The following CAMK1D variants were observed in gnomAD, a reference collection of about 807,000 sequenced individuals.
The protein encoded by CAMK1D is calcium/calmodulin dependent protein kinase ID.
In CAMK1D, 9 loss-of-function variants were observed where a neutral mutation model predicts 47.7. That is an observed-to-expected ratio of 0.19 (90% CI 0.11 to 0.33). The LOEUF (loss-of-function observed/expected upper bound fraction) is 0.33. Among genes scored for constraint, CAMK1D ranks in the 10% least tolerant of loss-of-function variants. The pLI is 1.00. For synonymous variants in CAMK1D, 184 were observed against 184.9 expected, an observed-to-expected ratio of 0.99 and a Z score of 0.04; for missense variants, 291 against 488.7, an observed-to-expected ratio of 0.60 and a Z score of 3.81.
intron 2 of CAMK1D, among the ~76,000 whole-genome samples, chr10:12,657,529 A>G (rs1315657696): frequency 6.6e-6 from 1 of 152,220 alleles, no homozygotes; most frequent in Non-Finnish European, 1.5e-5. Context: ...CAGTGAGAGA[A>G]TGAAGCGCTA....
At chr10:12,715,608 G>A (rs1834097226) in intron 3 of CAMK1D, among the ~76,000 whole-genome samples, 1 of 151,250 alleles carries the variant, frequency 6.6e-6, no homozygotes, top group South Asian at 2.1e-4. Context: ...TATGTTATGT[G>A]ATATAACATA....
chr10:12,726,115 G>A (rs1362458814), intron 3 of CAMK1D, among the ~76,000 whole-genome samples: 1 of 151,770 alleles, frequency 6.6e-6, no homozygotes, highest in Non-Finnish European at 1.5e-5. Flanking sequence ...TAGAATTGAT[G>A]ACTTGGTAAT....
chr10:12,405,728 A>G (rs2131928333), intron 1 of CAMK1D, among the ~76,000 whole-genome samples: 1 of 152,300 alleles, frequency 6.6e-6, no homozygotes, highest in African/African-American at 2.4e-5. Context: ...TGTTGAGCAA[A>G]CCCGTGATAT....
At position 12,754,723 on chromosome 10, in the gene CAMK1D, A is replaced by G. The variant is rs1018492573; in HGVS notation, c.300-6225A>G. On this transcript the variant is annotated intron_variant, in intron 3 of 10. Coordinates refer to ENST00000619168, the MANE Select transcript of CAMK1D (RefSeq NM_153498.4). ...TGAGGCGTCTTTCCTTGGCTTGCAG[A>G]CGGCTGTCTTCTTGCTGAGTCCTTA... is the stretch of plus-strand genomic sequence containing the variant. Among the ~76,000 whole-genome samples the G allele has an allele frequency of 5.5e-4, 83 of 152,224 alleles. 2 individuals carry two copies. The highest frequency in any genetic ancestry group is 1.9e-3 in the African/African-American group (77 of 41,518).
In CAMK1D at chr10:12,373,995, C is replaced by G. The variant is rs1278687005; in HGVS notation, c.92+24085C>G. Among the ~76,000 whole-genome samples the G allele has an allele frequency of 2.0e-5, 3 of 146,742 alleles. No homozygotes were observed. In the East Asian group the frequency reaches 6.0e-4, roughly 30 times the overall value. On this transcript the variant is annotated intron_variant, in intron 1 of 10. Coordinates refer to ENST00000619168, the MANE Select transcript of CAMK1D (RefSeq NM_153498.4). ...AAAAAAAAGTCCAGGTGCAGTGACT[C>G]ATGCCTGTAATCCTAGCACTTTGGG...
In CAMK1D at chr10:12,505,504, C is replaced by T. The variant is rs543400772; in HGVS notation, c.93-47721C>T. ...TGCTGCTTCTCACTCAGAGCCCAGG[C>T]TCTCCTTTCTGGAGGGTTCTTTCCT... On this transcript the variant is annotated intron_variant, in intron 1 of 10. Transcript: ENST00000619168. 3.0e-4 allele frequency among the ~76,000 whole-genome samples: 45 copies of T among 152,344 alleles called. No individual in the cohort carries two copies. In the South Asian group the frequency reaches 7.5e-3, roughly 25 times the overall value.
Position 12,449,270 on chromosome 10 carries a change from C to A in CAMK1D, c.92+99360C>A, listed in dbSNP as rs528077910. On this transcript the variant is annotated intron_variant, in intron 1 of 10. Coordinates refer to ENST00000619168, the MANE Select transcript of CAMK1D (RefSeq NM_153498.4). ...TGGGAGCACGTAGAACCTCCCCAAG[C>A]TGAGTGGGCAGGGTCCGTGTGGCTG... 2.0e-5 allele frequency among the ~76,000 whole-genome samples: 3 copies of A among 152,182 alleles called. No individual in the cohort carries two copies. The East Asian group carries it at 5.8e-4, about 30-fold the overall frequency.
intron 2 of CAMK1D, among the ~76,000 whole-genome samples, chr10:12,598,092 A>G (rs923730979): frequency 1.4e-4 from 21 of 152,216 alleles, no homozygotes; most frequent in Admixed American, 3.3e-4. Flanking sequence ...CTCTAGTCAC[A>G]TTTGTTTGGT....
intron 2 of CAMK1D, among the ~76,000 whole-genome samples, chr10:12,573,831 CTTTTTTTTTTTTTTT>C (rs34038018): frequency 1.2e-4 from 8 of 64,078 alleles, no homozygotes; most frequent in Admixed American, 5.6e-4. Context: ...ATTAAAAAAA[CTTTTTTTTTTTTTTT>C]TTTTTTTTTT....
chr10:12,618,088 G>A (rs1838878822), intron 2 of CAMK1D, among the ~76,000 whole-genome samples: 1 of 152,166 alleles, frequency 6.6e-6, no homozygotes, highest in Non-Finnish European at 1.5e-5. Flanking sequence ...GTATTGAGAG[G>A]TGACTTAATT....
intron 1 of CAMK1D, among the ~76,000 whole-genome samples, chr10:12,382,429 CT>C (rs771016423): frequency 3.6e-4 from 54 of 151,908 alleles, no homozygotes; most frequent in East Asian, 1.7e-3. Flanking sequence ...TACATAGGAT[CT>C]TTCATATGAA....
intron 1 of CAMK1D, among the ~76,000 whole-genome samples, chr10:12,367,852 C>G (rs1837884803): frequency 6.6e-6 from 1 of 152,146 alleles, no homozygotes; most frequent in Non-Finnish European, 1.5e-5. Flanking sequence ...AGGCCATGGA[C>G]TGGTACAGGT....
chr10:12,817,369 T>C (rs1832841400), intron 8 of CAMK1D, among the ~76,000 whole-genome samples: 1 of 152,238 alleles, frequency 6.6e-6, no homozygotes, highest in African/African-American at 2.4e-5. Flanking sequence ...TTTTTTCCTT[T>C]TAAGATGCTT....
At chr10:12,557,010 A>T (rs757984678) in intron 2 of CAMK1D, among the ~76,000 whole-genome samples, 2 of 152,194 alleles carry the variant, frequency 1.3e-5, no homozygotes, top group African/African-American at 4.8e-5. Context: ...TGGGGAGAGC[A>T]GGGAGGGAGA....
intron 3 of CAMK1D, among the ~76,000 whole-genome samples, chr10:12,738,316 T>G (rs1455028825): frequency 2.0e-5 from 3 of 152,224 alleles, no homozygotes; most frequent in Admixed American, 1.3e-4. Context: ...TCACATAGAT[T>G]AATCAGAAAT....
chr10:12,503,340 C>T (rs183192186), intron 1 of CAMK1D, among the ~76,000 whole-genome samples: 314 of 152,292 alleles, frequency 2.1e-3, no homozygotes, highest in Non-Finnish European at 3.7e-3. Flanking sequence ...ATGCGTTCAA[C>T]GACATGAGTG....
intron 1 of CAMK1D, among the ~76,000 whole-genome samples, chr10:12,460,542 C>T (rs2132052229): frequency 1.3e-5 from 2 of 152,284 alleles, no homozygotes; most frequent in Middle Eastern, 3.4e-3. Flanking sequence ...AAGCAATTCT[C>T]CTGCCTCAGC....
chr10:12,561,180 G>T lies in CAMK1D; in HGVS notation c.224+7824G>T, dbSNP rs183348287. Among the ~76,000 whole-genome samples, 3 of 152,250 alleles carry T rather than the reference G, an allele frequency of 2.0e-5. No homozygotes were observed. The East Asian group carries it at 5.8e-4, about 29-fold the overall frequency. The stretch of plus-strand genomic sequence containing the variant: ...GATCTGCCTGCCTTGGCCTCCCAAA[G>T]TGCTGGGATTACAGGCGTGATTTCA... On this transcript the variant is annotated intron_variant, in intron 2 of 10. Transcript: ENST00000619168.
chr10:12,480,308 G>A (rs149286700), intron 1 of CAMK1D, among the ~76,000 whole-genome samples: 16 of 152,068 alleles, frequency 1.1e-4, no homozygotes, highest in Non-Finnish European at 1.6e-4. Context: ...GATAGCGCAC[G>A]CCTGCAATCT....
Sources: gnomAD v4.1 joint callset for allele counts (sites outside exome capture counted in the v4.1 genomes callset) on GRCh38, gnomAD v4.1.1 for gene constraint, MANE v1.5 for transcripts, NCBI Gene and HGNC (gene_info 2026-07-23, HGNC 2026-07-21) for gene names.